COL4A4: variants seen among roughly 807,000 people sequenced by gnomAD.
COL4A4 encodes the protein collagen type IV alpha 4 chain, also known as collagen alpha-4(IV) chain.
A neutral mutation model predicts 192.9 loss-of-function variants in COL4A4; 105 were observed. The ratio of observed to expected loss-of-function variants is 0.54; its 90% CI spans 0.46 to 0.64. The LOEUF (loss-of-function observed/expected upper bound fraction) is 0.64. Among genes scored for constraint, COL4A4 ranks in the 30% least tolerant of loss-of-function variants. COL4A4 has a pLI of 0.00. For synonymous variants in COL4A4, 762 were observed against 769.9 expected (o/e 0.99, Z 0.17); for missense variants, 1,967 against 2,169.3 (o/e 0.91, Z 1.85).
rs753210825 is a variant in COL4A4, at chr2:227,060,179, G to C, written c.2121C>G (p.Gly707=). 2.5e-6 allele frequency: 4 copies of C among 1,608,340 alleles called. No homozygotes were observed. In the South Asian group the frequency reaches 4.4e-5, roughly 18 times the overall value. ...CCGCTGTTCCTGGTGTGCCAGGTCT[G>C]CCTTTATGCCCATCTGAACCACTCA... ...PGLSGSDGHK[G]RPGTPGTAEI... is the part of the protein sequence containing the mutation. Residue 707 remains glycine (G), a synonymous_variant, in exon 27 of 48, where the codon GGC becomes GGG. Coordinates refer to ENST00000396625, the MANE Select transcript of COL4A4 (RefSeq NM_000092.5).
intron 6 of COL4A4, among the ~76,000 whole-genome samples, chr2:227,119,352 A>ATATTATGGT (rs2061654486): frequency 6.6e-6 from 1 of 151,312 alleles, no homozygotes; most frequent in African/African-American, 2.4e-5. Context: ...TGCTATGTAT[A>ATATTATGGT]ATATATACCA....
intron 4 of COL4A4, among the ~76,000 whole-genome samples, chr2:227,132,263 G>A (rs893795266): frequency 2.0e-5 from 3 of 152,088 alleles, no homozygotes; most frequent in Non-Finnish European, 4.4e-5. Flanking sequence ...ACCTCAAACA[G>A]TGCCTGGCGC....
intron 13 of COL4A4, 29 bp downstream of exon 13, chr2:227,103,942 TC>T (rs765504659): frequency 6.4e-7 from 1 of 1,558,398 alleles, no homozygotes; most frequent in South Asian, 1.1e-5. Context: ...ACTGCTACTT[TC>T]CAAGGTGACA....
Position 227,032,262 on chromosome 2 carries a change from C to T in COL4A4, c.3592G>A (p.Gly1198Arg), listed in dbSNP as rs1278360882. The stretch of plus-strand genomic sequence containing the variant: ...GGTATTCCCACTGGACCAGGTGGCC[C>T]CACATCATGCAAACCTTAATGGGGA... ...TKGASGLHDV[G>R]PPGPVGIPGL... Residue 1198 changes from glycine to arginine, a missense_variant, in exon 39 of 48, where the codon GGG (glycine) becomes AGG (arginine). Transcript: ENST00000396625. The T allele has an allele frequency of 1.2e-6, 2 of 1,613,706 alleles. No homozygotes were observed. The highest frequency in any genetic ancestry group is 1.1e-5 in the South Asian group (1 of 91,058).
Position 227,144,523 on chromosome 2 carries a change from A to G in COL4A4, c.107T>C (p.Val36Ala), listed in dbSNP as rs1311865804. ...GCTAGTGAATGTACTTACCCCATATACATATTGTACAGAAAAGAGAATGAG... is the reference window on the plus strand; with the variant it reads ...GCTAGTGAATGTACTTACCCCATATGCATATTGTACAGAAAAGAGAATGAG... ...LILILFSVQY[V>A]YGSGKKYIGP... Residue 36 changes from valine (V) to alanine (A), a missense_variant, in exon 3 of 48, where the codon GTA becomes GCA. Transcript: ENST00000396625. 1 of 1,610,060 alleles carries G rather than the reference A, an allele frequency of 6.2e-7. No homozygotes were observed. Among genetic ancestry groups the G allele is most frequent in the South Asian group, 1.1e-5 (1 of 90,958 alleles).
chr2:227,122,192 C>G (rs954415727), intron 4 of COL4A4, among the ~76,000 whole-genome samples: 1 of 152,150 alleles, frequency 6.6e-6, no homozygotes, highest in Non-Finnish European at 1.5e-5. Flanking sequence ...TGGGCCTGGC[C>G]AAGGCCAGCA....
chr2:227,023,112 A>G (rs10183633), intron 43 of COL4A4, among the ~76,000 whole-genome samples: 64,806 of 151,822 alleles, frequency 0.43, 13,955 homozygotes, highest in South Asian at 0.55. Context: ...ACATGTTCCC[A>G]GGGAGGCTGA....
chr2:227,155,683 A>G (rs2064281373), intron 1 of COL4A4, among the ~76,000 whole-genome samples: 1 of 152,028 alleles, frequency 6.6e-6, no homozygotes, highest in African/African-American at 2.4e-5. Flanking sequence ...TCCCAAATAC[A>G]ATGTGAGGCT....
At chr2:226,995,291 G>GA in the COL4A4 span, 8 of 651,596 alleles carry the variant, frequency 1.2e-5, no homozygotes, top group Admixed American at 1.8e-4. Flanking sequence ...AGCTGAAGTT[G>GA]AAAAATCTTT....
intron 12 of COL4A4, chr2:227,104,276 T>C (rs1367531312): frequency 3.9e-6 from 2 of 509,090 alleles, no homozygotes; most frequent in African/African-American, 1.9e-5. Context: ...TGATTCTTAA[T>C]GCTACTATCC....
At chr2:227,144,665 T>C in intron 2 of COL4A4, 107 bp from the exon 3 acceptor site, 1 of 900,260 alleles carries the variant, frequency 1.1e-6, no homozygotes, top group Non-Finnish European at 1.8e-6. Flanking sequence ...TTTATTTCTA[T>C]GAGGCTGCTC....
intron 31 of COL4A4, among the ~76,000 whole-genome samples, chr2:227,053,721 G>A (rs1368160437): frequency 2.6e-5 from 4 of 151,332 alleles, no homozygotes; most frequent in African/African-American, 4.9e-5. Flanking sequence ...CTAATTTTTT[G>A]TAGTTTTAGT....
chr2:227,026,293 C>T (rs558708259), intron 42 of COL4A4, among the ~76,000 whole-genome samples: 6 of 152,026 alleles, frequency 3.9e-5, no homozygotes, highest in Non-Finnish European at 7.4e-5. Flanking sequence ...GTCAGGAGAT[C>T]GAGACCATCC....
rs1305483970 is a variant in COL4A4 at position 227,005,360 on chromosome 2, A to G, written c.*1965T>C. On this transcript the variant is annotated 3_prime_UTR_variant, in exon 48 of 48. Coordinates refer to ENST00000396625, the MANE Select transcript of COL4A4 (RefSeq NM_000092.5). Reference sequence around the variant, plus strand: ...ATGTTCTCAGGCCAAGTTCAAGATGAACAGGTTGAACTTTTAGGAGGGTTG... The same window carrying G: ...ATGTTCTCAGGCCAAGTTCAAGATGGACAGGTTGAACTTTTAGGAGGGTTG... The G allele has an allele frequency of 6.6e-6, 1 of 152,220 alleles. No individual in the cohort carries two copies. The highest frequency in any genetic ancestry group is 1.5e-5 in the Non-Finnish European group (1 of 68,036). The allele number at this position is 152,220 out of a possible 1,614,324, so 9.4% of individuals were successfully genotyped here.
intron 9 of COL4A4, chr2:227,109,520 G>C (rs1252189896): frequency 1.5e-6 from 1 of 673,156 alleles, no homozygotes. Flanking sequence ...AGGCCAAGTG[G>C]GGCAGATCAC....
rs538043516 is a variant in COL4A4, at chr2:227,059,413, C to T, written c.2375G>A (p.Gly792Glu). 1 of 1,614,068 alleles carries T rather than the reference C, an allele frequency of 6.2e-7. No homozygotes were observed. Among genetic ancestry groups the T allele is most frequent in the African/African-American group, 1.3e-5 (1 of 75,060 alleles). ...KGPRGDPGCP[G>E]AEGPAGIPGF... ...CAGCAAAGCCCTCATACCTTCAGCC[C>T]CTGGACATCCCGGATCACCTCTGGG... Residue 792 changes from glycine to glutamate, a missense_variant, in exon 28 of 48, where the codon GGG (glycine) becomes GAG (glutamate). Physicochemically the swap from Gly to Glu is moderately conservative, Grantham distance 98 (BLOSUM62 -2). Coordinates refer to ENST00000396625, the MANE Select transcript of COL4A4 (RefSeq NM_000092.5).
Position 227,054,524 on chromosome 2 carries a change from G to A in COL4A4, c.2860+70C>T, listed in dbSNP as rs1974872087. On this transcript the variant is annotated intron_variant, in intron 31 of 47. Transcript: ENST00000396625. ...CAGACAAGTCCTATTTTATTTTTCA[G>A]AGATCACATTTCTAGGTTTGGATCA... The A allele has an allele frequency of 6.5e-6, 10 of 1,545,344 alleles. 1 individual carries two copies. The South Asian group carries it at 7.8e-5, about 12-fold the overall frequency.
the COL4A4 span, among the ~76,000 whole-genome samples, chr2:226,976,467 G>A: frequency 2.0e-5 from 3 of 152,000 alleles, no homozygotes; most frequent in East Asian, 1.9e-4. Context: ...CTTTACCCAC[G>A]CCTCCTTACC....
the COL4A4 span, among the ~76,000 whole-genome samples, chr2:226,987,670 C>T: frequency 6.6e-6 from 1 of 152,186 alleles, no homozygotes; most frequent in African/African-American, 2.4e-5. Flanking sequence ...GGGCCTGAGG[C>T]CCAGGGAGGG....
Sources: gnomAD v4.1 joint callset for allele counts (sites outside exome capture counted in the v4.1 genomes callset) on GRCh38, gnomAD v4.1.1 for gene constraint, MANE v1.5 for transcripts, NCBI Gene and HGNC (gene_info 2026-07-23, HGNC 2026-07-21) for gene names.